RNF212B: variants seen among roughly 807,000 people sequenced by gnomAD.
RNF212B encodes E3 ubiquitin-protein ligase RNF212B.
In RNF212B, 52 loss-of-function variants were observed where a neutral mutation model predicts 55.5. That is an observed-to-expected ratio of 0.94 (90% CI 0.75 to 1.18). The LOEUF is 1.18. Among genes scored for constraint, RNF212B ranks in the 50% most tolerant of loss-of-function variants. The pLI is 0.00. For synonymous variants in RNF212B, 99 were observed against 121.4 expected (o/e 0.82, Z 1.21); for missense variants, 289 against 350.4 (o/e 0.82, Z 1.40).
chr14:23,229,223 TATATATATATATA>T lies in RNF212B; in HGVS notation c.-1-11121_-1-11109del, dbSNP rs1566412299. On this transcript the variant is annotated intron_variant, in intron 2 of 15. Coordinates refer to the RNF212B transcript ENST00000399910. ...TCCTTTATGGCTGAATAATATTTTA[TATATATATATATA>T]TATATATATATATATATATATATAT... 2.9e-3 allele frequency among the ~76,000 whole-genome samples: 221 copies of T among 75,516 alleles called. 2 individuals carry two copies. The highest frequency in any genetic ancestry group is 0.013 in the African/African-American group (159 of 12,382). The allele number at this position is 75,516 out of a possible 152,430, so 49.5% of individuals were successfully genotyped here.
chr14:23,205,074 T>G (rs1237042042), intron 2 of RNF212B, among the ~76,000 whole-genome samples: 1 of 152,176 alleles, frequency 6.6e-6, no homozygotes, highest in African/African-American at 2.4e-5. Flanking sequence ...CATCCCTCCT[T>G]CTTAATCAAC....
intron 2 of RNF212B, among the ~76,000 whole-genome samples, chr14:23,223,499 C>T (rs558398573): frequency 1.7e-3 from 255 of 152,104 alleles, no homozygotes; most frequent in Admixed American, 3.1e-3. Context: ...GGACTACAGG[C>T]GCCCGCCATC....
chr14:23,194,568 T>A (rs1213085832), intron 2 of RNF212B, among the ~76,000 whole-genome samples: 1 of 151,828 alleles, frequency 6.6e-6, no homozygotes, highest in Non-Finnish European at 1.5e-5. Flanking sequence ...TGAAACTGCA[T>A]CTCTACTAAA....
chr14:23,256,112 G>A (rs766861293), intron 4 of RNF212B, among the ~76,000 whole-genome samples: 1 of 152,102 alleles, frequency 6.6e-6, no homozygotes, highest in African/African-American at 2.4e-5. Context: ...ATGCACTTAC[G>A]ACCCTTGGTA....
chr14:23,242,592 C>G (rs190112640), intron 2 of RNF212B, among the ~76,000 whole-genome samples: 25 of 152,250 alleles, frequency 1.6e-4, no homozygotes, highest in African/African-American at 4.6e-4. Flanking sequence ...CTCTTCCTCA[C>G]TCTTGTAAAT....
chr14:23,259,873 CT>C lies in RNF212B; in HGVS notation c.345-7del. The C allele has an allele frequency of 6.7e-7, 1 of 1,487,734 alleles. No homozygotes were observed. The highest frequency in any genetic ancestry group is 1.4e-5 in the African/African-American group (1 of 70,252). The allele number at this position is 1,487,734 out of a possible 1,614,324, so 92.2% of individuals were successfully genotyped here. A position where few individuals can be genotyped will look rare whatever the true frequency, so the allele number is the denominator to read the frequency against. ...ATTTGCTGGAGCTGATTGTTTCCAT[CT>C]TTTGCCTAGAGAATTGTCAGTCTTA... On this transcript the variant is annotated splice_polypyrimidine_tract_variant and intron_variant, in intron 5 of 14. Coordinates refer to ENST00000430154, the MANE Select transcript of RNF212B (RefSeq NM_001282322.3).
chr14:23,193,932 C>G (rs1322802992), intron 2 of RNF212B, among the ~76,000 whole-genome samples: 1 of 152,134 alleles, frequency 6.6e-6, no homozygotes, highest in Non-Finnish European at 1.5e-5. Context: ...ACCTCCGCCT[C>G]CTGGGTTCAA....
intron 2 of RNF212B, among the ~76,000 whole-genome samples, chr14:23,222,112 A>C (rs1881624384): frequency 6.6e-6 from 1 of 152,112 alleles, no homozygotes; most frequent in Non-Finnish European, 1.5e-5. Flanking sequence ...ACCCAAAATT[A>C]GGAGAAAAAA....
At chr14:23,194,042 A>G (rs1878390920) in intron 2 of RNF212B, among the ~76,000 whole-genome samples, 1 of 152,116 alleles carries the variant, frequency 6.6e-6, no homozygotes, top group Non-Finnish European at 1.5e-5. Context: ...GGGTTTCACC[A>G]TGTTGGCCAG....
chr14:23,257,281 C>G (rs1025444829), intron 4 of RNF212B, among the ~76,000 whole-genome samples: 1 of 152,142 alleles, frequency 6.6e-6, no homozygotes, highest in Non-Finnish European at 1.5e-5. Flanking sequence ...CCTTGGCTTC[C>G]TGAGTCTCTG....
chr14:23,259,264 T>C (rs527767162), intron 5 of RNF212B, among the ~76,000 whole-genome samples: 1 of 151,762 alleles, frequency 6.6e-6, no homozygotes, highest in South Asian at 2.1e-4. Context: ...ATAACACTCA[T>C]TGTAGCCTCA....
intron 2 of RNF212B, among the ~76,000 whole-genome samples, chr14:23,230,672 A>AC (rs1882539483): frequency 3.3e-5 from 5 of 151,226 alleles, no homozygotes; most frequent in South Asian, 4.2e-4. Context: ...AAAAAAAAAA[A>AC]AAAAAAAAAA....
intron 2 of RNF212B, among the ~76,000 whole-genome samples, chr14:23,211,245 A>G (rs1880491198): frequency 6.6e-6 from 1 of 151,934 alleles, no homozygotes; most frequent in Non-Finnish European, 1.5e-5. Context: ...AAAAGCAACA[A>G]ATTGAACAAC....
chr14:23,272,660 A>G (rs1407320677), intron 14 of RNF212B, 163 bp from the exon 15 acceptor site: 1 of 637,938 alleles, frequency 1.6e-6, no homozygotes, highest in African/African-American at 1.8e-5. Context: ...GATGTAGCAA[A>G]TCCTAGTTTG....
At chr14:23,214,763 C>T (rs910059127) in intron 2 of RNF212B, among the ~76,000 whole-genome samples, 4 of 150,958 alleles carry the variant, frequency 2.6e-5, no homozygotes, top group Non-Finnish European at 5.9e-5. Flanking sequence ...CATTGTAGTC[C>T]CAGAAAAAGA....
intron 12 of RNF212B, among the ~76,000 whole-genome samples, chr14:23,269,459 T>C (rs2140489345): frequency 6.6e-6 from 1 of 152,130 alleles, no homozygotes; most frequent in East Asian, 1.9e-4. Flanking sequence ...TTTGGCCCGG[T>C]AGTGGCTCCC....
chr14:23,192,807 T>C (rs986092950), intron 1 of RNF212B, among the ~76,000 whole-genome samples: 1 of 152,112 alleles, frequency 6.6e-6, no homozygotes, highest in Non-Finnish European at 1.5e-5. Context: ...AATATAGCTT[T>C]ATGGCCAGGT....
intron 2 of RNF212B, among the ~76,000 whole-genome samples, chr14:23,223,923 C>T (rs1881786579): frequency 6.6e-6 from 1 of 151,982 alleles, no homozygotes; most frequent in East Asian, 1.9e-4. Flanking sequence ...ATACAAAAAC[C>T]AGTAACTTTT....
At chr14:23,223,516 G>A (rs557035273) in intron 2 of RNF212B, among the ~76,000 whole-genome samples, 30 of 152,054 alleles carry the variant, frequency 2.0e-4, no homozygotes, top group African/African-American at 7.2e-4. Context: ...CATCAAGCCC[G>A]GCTAATTTTT....
Sources: gnomAD v4.1 joint callset for allele counts (sites outside exome capture counted in the v4.1 genomes callset) on GRCh38, gnomAD v4.1.1 for gene constraint, MANE v1.5 for transcripts, NCBI Gene and HGNC (gene_info 2026-07-23, HGNC 2026-07-21) for gene names.